RICTOR: variants seen among roughly 807,000 people sequenced by gnomAD.
RICTOR encodes rapamycin-insensitive companion of mTOR.
Under a neutral mutation model 214.9 loss-of-function variants are expected in RICTOR, and 49 were observed. The observed-to-expected ratio is 0.23, with a 90% CI of 0.18 to 0.29. The LOEUF is 0.29. Among genes scored for constraint, RICTOR ranks in the 10% least tolerant of loss-of-function variants. The probability of loss-of-function intolerance (pLI) is 1.00; values close to 1 mark genes in which losing one functional copy is unlikely to be tolerated. For missense variants in RICTOR, 1,625 were observed against 2,047.0 expected (o/e 0.79, Z 3.98); for synonymous variants, 717 against 711.3 (o/e 1.01, Z -0.13).
chr5:38,957,615 A>G, intron 25 of RICTOR, 37 bp downstream of exon 25: 1 of 1,110,018 alleles, frequency 9.0e-7, no homozygotes, highest in Non-Finnish European at 1.3e-6. Context: ...AGAAGATAAA[A>G]ACACACAAAT....
In RICTOR at chr5:38,945,570, A is replaced by G. The variant is rs1431385528; in HGVS notation, c.4554T>C (p.Asp1518=). ...EDTGLQEHTD[D]NCLYCVCIEI... ...CAATACAGACACAATAAAGGCAGTT[A>G]TCATCTGTATGTTCCTGTAGTCCAG... Residue 1518 remains aspartate (D), a synonymous_variant, in exon 34 of 38, where the codon GAT becomes GAC. Coordinates refer to ENST00000357387, the MANE Select transcript of RICTOR (RefSeq NM_152756.5). The G allele has an allele frequency of 1.2e-6, 2 of 1,614,112 alleles. No homozygotes were observed. The highest frequency in any genetic ancestry group is 4.5e-5 in the East Asian group (2 of 44,876).
chr5:39,005,593 T>A (rs1234279825), intron 3 of RICTOR, among the ~76,000 whole-genome samples: 1 of 152,212 alleles, frequency 6.6e-6, no homozygotes, highest in East Asian at 1.9e-4. Flanking sequence ...TGAAAATAGG[T>A]TTCATCTAAT....
chr5:39,012,833 ATTTT>A (rs904902591), intron 3 of RICTOR, among the ~76,000 whole-genome samples: 1 of 151,882 alleles, frequency 6.6e-6, no homozygotes, highest in Non-Finnish European at 1.5e-5. Context: ...CCATCCATGC[ATTTT>A]TTTTAATTGG....
intron 2 of RICTOR, among the ~76,000 whole-genome samples, chr5:39,026,851 T>C (rs1755866812): frequency 6.6e-6 from 1 of 151,562 alleles, no homozygotes; most frequent in Non-Finnish European, 1.5e-5. Context: ...CTCCTAACAA[T>C]ACAAAATAAG....
At chr5:39,026,532 C>A (rs1463538578) in intron 2 of RICTOR, among the ~76,000 whole-genome samples, 2 of 152,036 alleles carry the variant, frequency 1.3e-5, no homozygotes, top group African/African-American at 4.8e-5. Context: ...GGAAGTAATG[C>A]AGTAACTGCA....
chr5:39,058,657 G>C (rs1315094951), intron 2 of RICTOR, among the ~76,000 whole-genome samples: 2 of 152,054 alleles, frequency 1.3e-5, no homozygotes, highest in African/African-American at 2.4e-5. Context: ...AATTACAACT[G>C]CATGTTGTAA....
At chr5:38,962,731 T>A in intron 17 of RICTOR, 145 bp from the exon 18 acceptor site, 2 of 806,356 alleles carry the variant, frequency 2.5e-6, no homozygotes, top group Non-Finnish European at 3.9e-6. Context: ...TAAAAACCCA[T>A]CTCCAAATTA....
chr5:39,011,648 C>T (rs1754529532), intron 3 of RICTOR, among the ~76,000 whole-genome samples: 1 of 152,184 alleles, frequency 6.6e-6, no homozygotes, highest in African/African-American at 2.4e-5. Context: ...CTTCTTGCAT[C>T]AGTGTGACCT....
chr5:39,027,127 C>A (rs1193254199), intron 2 of RICTOR, among the ~76,000 whole-genome samples: 1 of 152,128 alleles, frequency 6.6e-6, no homozygotes, highest in East Asian at 1.9e-4. Flanking sequence ...CTTGACATTA[C>A]ACTGCCTTAT....
chr5:39,037,679 A>T (rs965618456), intron 2 of RICTOR, among the ~76,000 whole-genome samples: 2 of 152,366 alleles, frequency 1.3e-5, no homozygotes, highest in African/African-American at 4.8e-5. Context: ...ATCAGAGAAT[A>T]CTATAAACAC....
At chr5:38,974,112 C>T (rs1304961387) in intron 10 of RICTOR, among the ~76,000 whole-genome samples, 1 of 149,828 alleles carries the variant, frequency 6.7e-6, no homozygotes, top group Non-Finnish European at 1.5e-5. Flanking sequence ...TGTAGTGGTG[C>T]GATCTTGGCT....
intron 2 of RICTOR, among the ~76,000 whole-genome samples, chr5:39,038,617 CAA>C (rs1164171729): frequency 6.9e-6 from 1 of 145,146 alleles, no homozygotes; most frequent in Non-Finnish European, 1.5e-5. Flanking sequence ...GTAACTTCAG[CAA>C]AGTCTCAGGA....
Position 39,074,120 on chromosome 5 carries a change from G to T in RICTOR, c.88C>A (p.Leu30Met). 6.3e-7 allele frequency: 1 copy of T among 1,582,650 alleles called. No homozygotes were observed. Among genetic ancestry groups the T allele is most frequent in the Non-Finnish European group, 8.6e-7 (1 of 1,166,788 alleles). Residue 30 changes from leucine to methionine, a missense_variant, in exon 2 of 38, where the codon CTG (leucine) becomes ATG (methionine). By Grantham distance (15) the Leu-to-Met change is conservative. This residue lies in a region of RICTOR where 71 missense variants were observed against 57.9 expected (regional missense o/e 1.23). Coordinates refer to ENST00000357387, the MANE Select transcript of RICTOR (RefSeq NM_152756.5). ...DSGEENVPLD[L>M]TREPSDNLRE... ...CGGCGCCCCGCGTTACCTCGGGTCA[G>T]ATCCAGCGGGACGTTCTCCTCGCCG... is the stretch of plus-strand genomic sequence containing the variant.
chr5:38,981,759 G>T, intron 8 of RICTOR, 108 bp downstream of exon 8: 1 of 705,422 alleles, frequency 1.4e-6, no homozygotes, highest in Non-Finnish European at 2.3e-6. Flanking sequence ...GGCTAATTTA[G>T]GCTTGATAAT....
chr5:38,977,769 T>C (rs1751366332), intron 9 of RICTOR, among the ~76,000 whole-genome samples: 1 of 151,984 alleles, frequency 6.6e-6, no homozygotes, highest in Non-Finnish European at 1.5e-5. Flanking sequence ...GTATTTTTAG[T>C]AGAGACGGGG....
chr5:39,033,726 T>G (rs1756442820), intron 2 of RICTOR, among the ~76,000 whole-genome samples: 1 of 152,156 alleles, frequency 6.6e-6, no homozygotes, highest in Admixed American at 6.5e-5. Flanking sequence ...AAGCAACCTA[T>G]TGGGTACCAT....
chr5:38,990,551 A>C lies in RICTOR; in HGVS notation c.583+398T>G, dbSNP rs1752538663. Among the ~76,000 whole-genome samples the C allele has an allele frequency of 1.4e-5, 2 of 145,490 alleles. 1 individual carries two copies. Among genetic ancestry groups the C allele is most frequent in the Admixed American group, 1.4e-4 (2 of 14,630 alleles). ...GATATATATACGATATATACACGAT[A>C]TACACGATATATACACGATATATAT... On this transcript the variant is annotated intron_variant, in intron 7 of 37. Coordinates refer to ENST00000357387, the MANE Select transcript of RICTOR (RefSeq NM_152756.5).
chr5:39,008,316 T>C (rs1276193418), intron 3 of RICTOR, among the ~76,000 whole-genome samples: 1 of 152,142 alleles, frequency 6.6e-6, no homozygotes, highest in East Asian at 1.9e-4. Context: ...GTTTTATATA[T>C]AGTATTGATG....
Position 38,962,957 on chromosome 5 carries a change from G to A in RICTOR, c.1485C>T (p.Asp495=), listed in dbSNP as rs752266840. ...RGPKPYSLHL[D]HIIQKAIATH... ...TTGCAATTGCTTTCTGAATAATGTG[G>A]TCTAAATGAAGACTATAAGGCTTAG... The change falls in exon 17 of 38, where the codon GAC becomes GAT. Residue 495 remains aspartate (D), a synonymous_variant. Coordinates refer to ENST00000357387, the MANE Select transcript of RICTOR (RefSeq NM_152756.5). The A allele has an allele frequency of 1.3e-5, 21 of 1,612,122 alleles. No individual in the cohort carries two copies. The highest frequency in any genetic ancestry group is 1.6e-4 in the Middle Eastern group (1 of 6,080).
Sources: allele counts gnomAD v4.1 joint callset (sites outside exome capture counted in the v4.1 genomes callset), GRCh38; gene constraint gnomAD v4.1.1; regional missense constraint gnomAD v4.1.1; transcripts MANE v1.5; gene names NCBI Gene and HGNC (gene_info 2026-07-23, HGNC 2026-07-21).